Variants in IL1RN observed in about 807,000 individuals in gnomAD.
IL1RN encodes interleukin 1 receptor antagonist, also known as interleukin-1 receptor antagonist protein.
A neutral mutation model predicts 13.7 loss-of-function variants in IL1RN; 10 were observed. The ratio of observed to expected loss-of-function variants is 0.73; its 90% CI spans 0.45 to 1.24. The LOEUF is 1.24. IL1RN is among the 50% of genes most tolerant of loss of function. The pLI is 0.00. For missense variants in IL1RN, 213 were observed against 222.1 expected (o/e 0.96, Z 0.26); for synonymous variants, 102 against 82.7 (o/e 1.23, Z -1.27).
upstream of IL1RN, among the ~76,000 whole-genome samples, chr2:113,110,332 GC>G (rs1409875968): frequency 6.6e-6 from 1 of 152,168 alleles, no homozygotes; most frequent in African/African-American, 2.4e-5. Context: ...CCTCACAGAA[GC>G]TTTTTTTCTG....
At chr2:113,104,728 T>C (rs1686363489), upstream of IL1RN, among the ~76,000 whole-genome samples, 1 of 152,156 alleles carries the variant, frequency 6.6e-6, no homozygotes. Flanking sequence ...GCACTTAGTG[T>C]GTGCCAAAGA....
At chr2:113,123,320 G>C (rs956771886), upstream of IL1RN, among the ~76,000 whole-genome samples, 9 of 152,182 alleles carry the variant, frequency 5.9e-5, no homozygotes, top group Non-Finnish European at 2.9e-5. Flanking sequence ...CCCAGCACTG[G>C]TGCCCTTTAC....
intron 3 of IL1RN, among the ~76,000 whole-genome samples, chr2:113,132,119 A>G (rs1234854825): frequency 3.3e-5 from 5 of 152,340 alleles, no homozygotes; most frequent in African/African-American, 4.8e-5. Flanking sequence ...AAGGTGTGAC[A>G]GTGGGACAGC....
At chr2:113,127,154 G>A (rs1486681690), upstream of IL1RN, among the ~76,000 whole-genome samples, 1 of 152,158 alleles carries the variant, frequency 6.6e-6, no homozygotes, top group African/African-American at 2.4e-5. Flanking sequence ...CCAATCTATG[G>A]TCCGGAGTCC....
At chr2:113,102,268 C>T (rs1227823494), upstream of IL1RN, among the ~76,000 whole-genome samples, 1 of 152,204 alleles carries the variant, frequency 6.6e-6, no homozygotes, top group Non-Finnish European at 1.5e-5. Context: ...TGTGCAGGCA[C>T]GGGGACAGTG....
At chr2:113,125,284 C>G (rs1480565668), upstream of IL1RN, among the ~76,000 whole-genome samples, 1 of 152,206 alleles carries the variant, frequency 6.6e-6, no homozygotes, top group African/African-American at 2.4e-5. Flanking sequence ...CTGGAAGAGG[C>G]AAATAAGTAG....
upstream of IL1RN, among the ~76,000 whole-genome samples, chr2:113,126,172 T>G (rs370870524): frequency 2.0e-5 from 3 of 152,306 alleles, no homozygotes; most frequent in South Asian, 6.2e-4. Context: ...TTTTTGTTTA[T>G]TTGTTTGTTT....
rs569394439 is a variant in IL1RN, at chr2:113,131,336, G to A, written c.318+179G>A. On this transcript the variant is annotated intron_variant, in intron 3 of 3. Transcript: ENST00000409930. ...CAGCAGAGTGCCTGGCTTGCGCTGG[G>A]CATCCAAGGTGGTCCCTCATCCTCC... 4.4e-4 allele frequency among the ~76,000 whole-genome samples: 67 copies of A among 152,340 alleles called. 1 individual carries two copies. The highest frequency in any genetic ancestry group is 1.5e-3 in the African/African-American group (64 of 41,576).
intron 2 of IL1RN, chr2:113,121,331 T>C (rs1386385318): frequency 2.6e-6 from 1 of 379,002 alleles, no homozygotes; most frequent in Non-Finnish European, 3.6e-6. Context: ...AGCTGTTATG[T>C]GGACAAAAGG....
chr2:113,112,662 C>G (rs1686521756), intron 1 of IL1RN, among the ~76,000 whole-genome samples: 1 of 152,192 alleles, frequency 6.6e-6, no homozygotes, highest in Non-Finnish European at 1.5e-5. Context: ...CTCCATCTTC[C>G]TCCTCTGACC....
At chr2:113,130,282 G>A (rs1687117281) in intron 2 of IL1RN, among the ~76,000 whole-genome samples, 1 of 152,154 alleles carries the variant, frequency 6.6e-6, no homozygotes, top group South Asian at 2.1e-4. Context: ...CCTTCCCTAT[G>A]CCCTGGTTCT....
At chr2:113,107,998 T>C (rs1323987533), upstream of IL1RN, among the ~76,000 whole-genome samples, 1 of 152,240 alleles carries the variant, frequency 6.6e-6, no homozygotes, top group African/African-American at 2.4e-5. Flanking sequence ...AAGAAATTAC[T>C]GCAAACTTAG....
chr2:113,117,808 C>T, upstream of IL1RN: 1 of 632,974 alleles, frequency 1.6e-6, no homozygotes. Flanking sequence ...GCCGGCCCAT[C>T]TCCTCATGCT....
chr2:113,128,020 G>A (rs55902934), intron 1 of IL1RN, among the ~76,000 whole-genome samples: 3 of 152,354 alleles, frequency 2.0e-5, no homozygotes, highest in Non-Finnish European at 1.5e-5. Flanking sequence ...GTGGGACTGC[G>A]ATTCAGGCCT....
the IL1RN span, among the ~76,000 whole-genome samples, chr2:113,100,056 A>C: frequency 7.5e-6 from 1 of 133,084 alleles, no homozygotes; most frequent in African/African-American, 2.7e-5. Flanking sequence ...TAAAAGCTGG[A>C]CCACGCCTGT....
chr2:113,107,025 A>G (rs1390228947), upstream of IL1RN, among the ~76,000 whole-genome samples: 1 of 152,262 alleles, frequency 6.6e-6, no homozygotes, highest in Non-Finnish European at 1.5e-5. Context: ...ACTATTACAC[A>G]GAATGCAAAA....
At chr2:113,124,618 G>A (rs992575344), upstream of IL1RN, among the ~76,000 whole-genome samples, 1 of 152,170 alleles carries the variant, frequency 6.6e-6, no homozygotes, top group Non-Finnish European at 1.5e-5. Context: ...CACGGTGTGA[G>A]TATTTCCCAA....
chr2:113,108,926 A>G (rs912900575), upstream of IL1RN, among the ~76,000 whole-genome samples: 7 of 152,164 alleles, frequency 4.6e-5, no homozygotes, highest in Non-Finnish European at 8.8e-5. Flanking sequence ...GGGGTTAGAT[A>G]TTTATTAATT....
rs4252012 is a variant in IL1RN, at chr2:113,129,772, C to A, written c.205+108C>A. On this transcript the variant is annotated intron_variant, in intron 2 of 3. Coordinates refer to ENST00000409930, the MANE Select transcript of IL1RN (RefSeq NM_173842.3). ...CAAACCCTAGGTGCAATGTCCTAAT[C>A]CTTGTTGGGTCTTTGTATTCAAGTT... The A allele has an allele frequency of 3.8e-3, 3,017 of 792,946 alleles. 79 individuals carry two copies. The African/African-American group carries it at 0.046, about 12-fold the overall frequency. The allele number at this position is 792,946 out of a possible 1,614,324, so 49.1% of individuals were successfully genotyped here. A position where few individuals can be genotyped will look rare whatever the true frequency, so the allele number is the denominator to read the frequency against.
Sources: allele counts gnomAD v4.1 joint callset (sites outside exome capture counted in the v4.1 genomes callset), GRCh38; gene constraint gnomAD v4.1.1; transcripts MANE v1.5; gene names NCBI Gene and HGNC (gene_info 2026-07-23, HGNC 2026-07-21).